Variants in ITPKA observed in about 807,000 individuals in gnomAD.
ITPKA encodes IP3 3-kinase A.
ITPKA carries 16 observed loss-of-function variants against 40.7 expected under a neutral mutation model. The ratio of observed to expected loss-of-function variants is 0.39; its 90% CI spans 0.27 to 0.60. The LOEUF (loss-of-function observed/expected upper bound fraction) is 0.60, where lower values mean the gene tolerates loss of function less well. Ranked by LOEUF, ITPKA falls within the 20% of genes least tolerant of loss-of-function variation. ITPKA has a pLI of 0.50. For missense variants in ITPKA, 540 were observed against 649.3 expected, an observed-to-expected ratio of 0.83 and a Z score of 1.83; for synonymous variants, 313 against 289.9, an observed-to-expected ratio of 1.08 and a Z score of -0.81.
chr15:41,502,633 C>A, intron 5 of ITPKA, 130 bp downstream of exon 5: 2 of 935,534 alleles, frequency 2.1e-6, no homozygotes, highest in Non-Finnish European at 3.3e-6. Context: ...AACTGCTCTA[C>A]GCTCCTTCCC....
intron 1 of ITPKA, among the ~76,000 whole-genome samples, chr15:41,495,136 C>T (rs1030669095): frequency 3.3e-5 from 5 of 152,232 alleles, no homozygotes; most frequent in African/African-American, 1.2e-4. Context: ...TGTTCTGGGA[C>T]CAGGTCTGAC....
rs1398365427 is a variant in ITPKA at position 41,502,708 on chromosome 15, G to GGGGAC, written c.1111-79_1111-78insGGACG. The GGGGAC allele has an allele frequency of 2.3e-6, 3 of 1,333,154 alleles. No homozygotes were observed. The East Asian group carries it at 7.5e-5, about 34-fold the overall frequency. 82.6% of individuals were successfully genotyped at this position (1,333,154 alleles called of 1,614,324 possible). On this transcript the variant is annotated intron_variant, in intron 5 of 6. Transcript: ENST00000260386. ...GGCGGCATTTGCCAAGCACAGCGTG[G>GGGGAC]GTCCCGGCTCCTCATCGTTAGCAGG...
chr15:41,498,597 T>C (rs1364927819), intron 1 of ITPKA, among the ~76,000 whole-genome samples: 1 of 152,206 alleles, frequency 6.6e-6, no homozygotes, highest in Non-Finnish European at 1.5e-5. Context: ...CCAAGGCAAG[T>C]TTCCTCTTCA....
In ITPKA at chr15:41,503,447, T is replaced by A; in HGVS notation, c.*281T>A. 1.6e-6 allele frequency: 1 copy of A among 624,810 alleles called. No homozygotes were observed. Among genetic ancestry groups the A allele is most frequent in the Non-Finnish European group, 3.0e-6 (1 of 336,116 alleles). The allele number at this position is 624,810 out of a possible 1,614,324, so 38.7% of individuals were successfully genotyped here. ...GCTCTTCTGAGGAGGCTCTGCCCTCTCCAGAGGTGCCAGACCGCGGATTTT... is the reference window on the plus strand; with the variant it reads ...GCTCTTCTGAGGAGGCTCTGCCCTCACCAGAGGTGCCAGACCGCGGATTTT... On this transcript the variant is annotated 3_prime_UTR_variant, in exon 7 of 7. Coordinates refer to ENST00000260386, the MANE Select transcript of ITPKA (RefSeq NM_002220.3).
In ITPKA at chr15:41,494,066, G is replaced by A. The variant is rs1208833842; in HGVS notation, c.139G>A (p.Ala47Thr). ...LFEARCAAVA[A>T]AAAAGEPRAR... ...CGAGGCGCGCTGTGCGGCGGTCGCT[G>A]CGGCCGCCGCCGCGGGGGAGCCCCG... Residue 47 changes from alanine (A) to threonine (T), a missense_variant, in exon 1 of 7, where the codon GCG (alanine) becomes ACG (threonine). Coordinates refer to ENST00000260386, the MANE Select transcript of ITPKA (RefSeq NM_002220.3). This position sits in a 1 kb window ranked among gnomAD's most constrained non-coding sequence, Gnocchi z 7.8. 8.1e-7 allele frequency: 1 copy of A among 1,239,682 alleles called. No homozygotes were observed. Among genetic ancestry groups the A allele is most frequent in the South Asian group, 3.5e-5 (1 of 28,462 alleles). The allele number at this position is 1,239,682 out of a possible 1,614,324, so 76.8% of individuals were successfully genotyped here.
At chr15:41,501,962 C>T in intron 3 of ITPKA, 35 bp from the exon 4 acceptor site, 1 of 1,601,992 alleles carries the variant, frequency 6.2e-7, no homozygotes. Context: ...CGTGTGCGCC[C>T]CCTCATGCCC....
chr15:41,501,944 G>A, intron 3 of ITPKA, 53 bp from the exon 4 acceptor site: 4 of 1,593,302 alleles, frequency 2.5e-6, no homozygotes, highest in South Asian at 1.1e-5. Context: ...AGTGCTCGAA[G>A]GGGTCTCCGT....
Position 41,503,109 on chromosome 15 carries a change from C to T in ITPKA, c.1329C>T (p.Gly443=), listed in dbSNP as rs752510556. 4 of 1,604,242 alleles carry T rather than the reference C, an allele frequency of 2.5e-6. No homozygotes were observed. In the African/African-American group the frequency reaches 5.4e-5, roughly 21 times the overall value. ...GGGAGGAGGGCAACCGCGAGGACGG[C>T]TATTTGCTGGGGCTGGACAATCTCA... The part of the protein sequence containing the change: ...RPWEEGNRED[G]YLLGLDNLIG... The change falls in exon 7 of 7, where the codon GGC becomes GGT. Residue 443 remains glycine, a synonymous_variant. Transcript: ENST00000260386.
At position 41,494,002 on chromosome 15, in the gene ITPKA, G is replaced by T. The variant is rs2051051696; in HGVS notation, c.75G>T (p.Arg25=). The T allele has an allele frequency of 8.6e-7, 1 of 1,162,814 alleles. No individual in the cohort carries two copies. The highest frequency in any genetic ancestry group is 1.6e-5 in the African/African-American group (1 of 61,602). The allele number at this position is 1,162,814 out of a possible 1,614,324, so 72.0% of individuals were successfully genotyped here. The change falls in exon 1 of 7, where the codon CGG becomes CGT. Residue 25 remains arginine, a synonymous_variant. Coordinates refer to ENST00000260386, the MANE Select transcript of ITPKA (RefSeq NM_002220.3). This position sits in a 1 kb window ranked among gnomAD's most constrained non-coding sequence, Gnocchi z 7.8. ...GGCCCTGCAGCCCGGGGCTGGAGCGGGCCCCGCGCCGGAGTGTCGGGGAGC... is the reference window on the plus strand; with the variant it reads ...GGCCCTGCAGCCCGGGGCTGGAGCGTGCCCCGCGCCGGAGTGTCGGGGAGC... The part of the protein sequence containing the change: ...GARPCSPGLE[R]APRRSVGELR...
intron 1 of ITPKA, among the ~76,000 whole-genome samples, chr15:41,496,700 A>G (rs1193964301): frequency 2.0e-5 from 3 of 152,232 alleles, no homozygotes; most frequent in African/African-American, 7.2e-5. Flanking sequence ...TCCTGGACTC[A>G]GAATTCCCAC....
In ITPKA at chr15:41,502,859, G is replaced by GGTAA. The variant is rs1235363250; in HGVS notation, c.1182+2_1182+5dup. On this transcript the variant is annotated frameshift_variant and splice_region_variant. Transcript: ENST00000260386. LOFTEE classifies it high-confidence loss of function. ...TATCCGAGTTCTTCAGGAGGCACGA[G>GGTAA]GTAAGCGGCGGCTGCCCGGGTGCCC... 6.2e-7 allele frequency: 1 copy of GGTAA among 1,612,114 alleles called. No individual in the cohort carries two copies. Among genetic ancestry groups the GGTAA allele is most frequent in the African/African-American group, 1.3e-5 (1 of 75,038 alleles).
At chr15:41,500,718 AT>A (rs1466455751) in intron 1 of ITPKA, among the ~76,000 whole-genome samples, 1 of 152,120 alleles carries the variant, frequency 6.6e-6, no homozygotes, top group African/African-American at 2.4e-5. Flanking sequence ...AGTAATAAAA[AT>A]TTGGGGGGCC....
Position 41,503,201 on chromosome 15 carries a change from A to T in ITPKA, c.*35A>T, listed in dbSNP as rs2051135514. 4.8e-6 allele frequency: 7 copies of T among 1,471,200 alleles called. No homozygotes were observed. The highest frequency in any genetic ancestry group is 5.6e-6 in the Non-Finnish European group (6 of 1,078,126). The allele number at this position is 1,471,200 out of a possible 1,614,324, so 91.1% of individuals were successfully genotyped here. A position where few individuals can be genotyped will look rare whatever the true frequency, so the allele number is the denominator to read the frequency against. On this transcript the variant is annotated 3_prime_UTR_variant, in exon 7 of 7. Coordinates refer to ENST00000260386, the MANE Select transcript of ITPKA (RefSeq NM_002220.3). ...CCTGTCCCCGCGGGCCGCTCACCTGACATGTGGACCTGCAGCTTTGTCCCC... is the reference window on the plus strand; with the variant it reads ...CCTGTCCCCGCGGGCCGCTCACCTGTCATGTGGACCTGCAGCTTTGTCCCC...
chr15:41,494,328 T>A lies in ITPKA; in HGVS notation c.401T>A (p.Leu134His). ...TCCTCCACTGGCTCCTCGTCGCTGC[T>A]CGAGGACTCGGAGGACGACCTGCTG... Reference protein sequence around the residue: ...SVSSTGSSSLLEDSEDDLLSD... With the variant: ...SVSSTGSSSLHEDSEDDLLSD... Residue 134 changes from leucine to histidine, a missense_variant, in exon 1 of 7, where the codon CTC becomes CAC. Transcript: ENST00000260386. This position sits in a 1 kb window ranked among gnomAD's most constrained non-coding sequence, Gnocchi z 7.8. The A allele has an allele frequency of 6.5e-7, 1 of 1,531,366 alleles. No individual in the cohort carries two copies. The allele number at this position is 1,531,366 out of a possible 1,614,324, so 94.9% of individuals were successfully genotyped here. A position where few individuals can be genotyped will look rare whatever the true frequency, so the allele number is the denominator to read the frequency against.
chr15:41,502,763 T>C (rs1464834658), intron 5 of ITPKA, 25 bp from the exon 6 acceptor site: 4 of 1,580,836 alleles, frequency 2.5e-6, no homozygotes, highest in Non-Finnish European at 3.4e-6. Context: ...TAATTTGCCC[T>C]CCTCTCCCAC....
In ITPKA at chr15:41,502,431, C is replaced by A; in HGVS notation, c.1038C>A (p.Phe346Leu). 1 of 1,604,988 alleles carries A rather than the reference C, an allele frequency of 6.2e-7. No individual in the cohort carries two copies. The highest frequency in any genetic ancestry group is 8.5e-7 in the Non-Finnish European group (1 of 1,172,570). Residue 346 changes from phenylalanine to leucine, a missense_variant, in exon 5 of 7, where the codon TTC becomes TTA. Physicochemically the swap from Phe to Leu is conservative, Grantham distance 22. Transcript: ENST00000260386. ...KKADGSCSTD[F>L]KTTRSREQVL... ...CGGACGGCTCCTGCAGCACCGACTT[C>A]AAGACTACGCGAAGCCGAGAGCAGG...
chr15:41,501,584 G>C (rs765422853), intron 2 of ITPKA, 25 bp downstream of exon 2: 1 of 444,870 alleles, frequency 2.2e-6, no homozygotes, highest in South Asian at 1.6e-5. Flanking sequence ...GGGTGGGCGG[G>C]TGCCCGCGAC....
chr15:41,502,823 C>T lies in ITPKA; in HGVS notation c.1146C>T (p.Asp382=). The T allele has an allele frequency of 6.2e-7, 1 of 1,612,746 alleles. No individual in the cohort carries two copies. The highest frequency in any genetic ancestry group is 1.3e-5 in the African/African-American group (1 of 75,038). ...TGAACCGCCTGCAGCAGATCCGGGA[C>T]ACCCTGGAGGTATCCGAGTTCTTCA... ...RYLNRLQQIR[D]TLEVSEFFRR... The change falls in exon 6 of 7, where the codon GAC becomes GAT. Residue 382 remains aspartate (D), a synonymous_variant. Coordinates refer to ENST00000260386, the MANE Select transcript of ITPKA (RefSeq NM_002220.3).
chr15:41,493,970 G>A lies in ITPKA; in HGVS notation c.43G>A (p.Gly15Ser). 1 of 1,070,592 alleles carries A rather than the reference G, an allele frequency of 9.3e-7. No individual in the cohort carries two copies. Among genetic ancestry groups the A allele is most frequent in the Non-Finnish European group, 1.1e-6 (1 of 885,960 alleles). The allele number at this position is 1,070,592 out of a possible 1,614,324, so 66.3% of individuals were successfully genotyped here. ...GGPTGMARPG[G>S]ARPCSPGLER... ...CCCAACGGGCATGGCGCGGCCGGGGGGCGCGAGGCCCTGCAGCCCGGGGCT... is the reference window on the plus strand; with the variant it reads ...CCCAACGGGCATGGCGCGGCCGGGGAGCGCGAGGCCCTGCAGCCCGGGGCT... The change falls in exon 1 of 7, where the codon GGC becomes AGC. Residue 15 changes from glycine to serine, a missense_variant. Physicochemically the swap from Gly to Ser is moderately conservative, Grantham distance 56 (BLOSUM62 0). Transcript: ENST00000260386.
Sources: gnomAD v4.1 joint callset for allele counts (sites outside exome capture counted in the v4.1 genomes callset) on GRCh38, gnomAD v4.1.1 for gene constraint, Gnocchi (gnomAD v3.1) non-coding constraint, MANE v1.5 for transcripts, NCBI Gene and HGNC (gene_info 2026-07-23, HGNC 2026-07-21) for gene names.